Variants in VSNL1 observed in about 807,000 individuals in gnomAD.
VSNL1 encodes the protein visinin-like protein 1.
VSNL1 carries 6 observed loss-of-function variants against 20.4 expected under a neutral mutation model. That is an observed-to-expected ratio of 0.29 (90% CI 0.16 to 0.58). VSNL1 has a LOEUF of 0.58. Ranked by LOEUF, VSNL1 falls within the 20% of genes least tolerant of loss-of-function variation. The pLI, the probability that VSNL1 is intolerant of heterozygous loss-of-function variation, is 0.90. For missense variants in VSNL1, 100 were observed against 234.5 expected (o/e 0.43, Z 3.75); for synonymous variants, 93 against 86.4 (o/e 1.08, Z -0.42).
intron 1 of VSNL1, among the ~76,000 whole-genome samples, chr2:17,545,653 A>T (rs1663390216): frequency 6.6e-6 from 1 of 152,122 alleles, no homozygotes; most frequent in Non-Finnish European, 1.5e-5. Flanking sequence ...GAATCAAAAT[A>T]GTTTGCGTTG....
At chr2:17,603,409 A>T (rs1572359178) in intron 2 of VSNL1, among the ~76,000 whole-genome samples, 2 of 152,288 alleles carry the variant, frequency 1.3e-5, no homozygotes, top group Admixed American at 1.3e-4. Flanking sequence ...CCCATTCATG[A>T]GGGTTGCACC....
intron 2 of VSNL1, among the ~76,000 whole-genome samples, chr2:17,641,838 G>T (rs1034980309): frequency 6.6e-6 from 1 of 152,144 alleles, no homozygotes; most frequent in Non-Finnish European, 1.5e-5. Flanking sequence ...ATGAGAAAGG[G>T]AGAAAGAGAA....
Position 17,649,759 on chromosome 2 carries a change from C to T in VSNL1, c.378+134C>T. The T allele has an allele frequency of 1.2e-6, 1 of 837,916 alleles. No individual in the cohort carries two copies. The highest frequency in any genetic ancestry group is 1.9e-6 in the Non-Finnish European group (1 of 534,322). 51.9% of individuals were successfully genotyped at this position (837,916 alleles called of 1,614,324 possible). A position where few individuals can be genotyped will look rare whatever the true frequency, so the allele number is the denominator to read the frequency against. ...AGCTGCACACCACGCCTGGACTTCT[C>T]CTGCTTCTGTCCCCGCTGCAGCACA... is the stretch of plus-strand genomic sequence containing the variant. On this transcript the variant is annotated intron_variant, in intron 3 of 3. Transcript: ENST00000295156. The surrounding 1 kb of genome is among the most constrained non-coding windows in gnomAD (Gnocchi z 6.4).
chr2:17,642,326 T>TTTTTTTTG (rs59404137), intron 2 of VSNL1, among the ~76,000 whole-genome samples: 1 of 141,126 alleles, frequency 7.1e-6, no homozygotes, highest in African/African-American at 2.8e-5. Context: ...TTTTTTTTTT[T>TTTTTTTTG]GAGACAGAGT....
At chr2:17,620,710 C>T (rs981305290) in intron 2 of VSNL1, among the ~76,000 whole-genome samples, 2 of 152,082 alleles carry the variant, frequency 1.3e-5, no homozygotes, top group East Asian at 1.9e-4. Context: ...TGTCTTTTAT[C>T]GAGTGACGCT....
chr2:17,641,938 A>T (rs1338341182), intron 2 of VSNL1, among the ~76,000 whole-genome samples: 2 of 152,206 alleles, frequency 1.3e-5, no homozygotes, highest in East Asian at 3.9e-4. Flanking sequence ...GACAAATCCA[A>T]AGTCATGAAA....
intron 2 of VSNL1, among the ~76,000 whole-genome samples, chr2:17,642,788 G>A (rs1330661108): frequency 6.6e-6 from 1 of 152,232 alleles, no homozygotes; most frequent in Non-Finnish European, 1.5e-5. Flanking sequence ...CTTGTCCCGG[G>A]AGGCGAAAGC....
In VSNL1 at chr2:17,560,734, T is replaced by A. The variant is rs1396253396; in HGVS notation, c.-6+19816T>A. On this transcript the variant is annotated intron_variant, in intron 1 of 3. Coordinates refer to ENST00000295156, the MANE Select transcript of VSNL1 (RefSeq NM_003385.5). ...TCAAGAAGCTATAAAATAATAGGGA[T>A]ATTTGACTCCATAGAATTGTAAACT... Among the ~76,000 whole-genome samples, 6 of 152,198 alleles carry A rather than the reference T, an allele frequency of 3.9e-5. No homozygotes were observed. The South Asian group carries it at 1.2e-3, about 31-fold the overall frequency.
At chr2:17,595,589 A>T (rs1273437643) in intron 2 of VSNL1, among the ~76,000 whole-genome samples, 1 of 152,206 alleles carries the variant, frequency 6.6e-6, no homozygotes, top group African/African-American at 2.4e-5. Context: ...GCTGAATAAT[A>T]TTCCCCCAAA....
intron 2 of VSNL1, among the ~76,000 whole-genome samples, chr2:17,639,545 AAAG>A (rs1200969860): frequency 1.3e-5 from 2 of 152,250 alleles, no homozygotes; most frequent in African/African-American, 2.4e-5. Flanking sequence ...TAAAAGAATG[AAAG>A]AAGATCATTT....
chr2:17,655,109 G>C lies in VSNL1; in HGVS notation c.379-88G>C. On this transcript the variant is annotated intron_variant, in intron 3 of 3. Coordinates refer to ENST00000295156, the MANE Select transcript of VSNL1 (RefSeq NM_003385.5). This position sits in a 1 kb window ranked among gnomAD's most constrained non-coding sequence, Gnocchi z 5.2. Reference sequence around the variant, plus strand: ...GAAGCTGAGGCTTGGAGGATGGGTGGGATCCCGTCAGGTGAAAGGGAGGCA... The same window carrying C: ...GAAGCTGAGGCTTGGAGGATGGGTGCGATCCCGTCAGGTGAAAGGGAGGCA... The C allele has an allele frequency of 7.4e-7, 1 of 1,353,752 alleles. No individual in the cohort carries two copies. The highest frequency in any genetic ancestry group is 1.3e-5 in the South Asian group (1 of 75,092). The allele number at this position is 1,353,752 out of a possible 1,614,324, so 83.9% of individuals were successfully genotyped here.
At chr2:17,628,187 AAT>A (rs1558305338) in intron 2 of VSNL1, among the ~76,000 whole-genome samples, 1 of 152,234 alleles carries the variant, frequency 6.6e-6, no homozygotes, top group Non-Finnish European at 1.5e-5. Flanking sequence ...GCAAAGGCAT[AAT>A]AGAGTGTGAG....
intron 2 of VSNL1, among the ~76,000 whole-genome samples, chr2:17,622,266 C>T (rs1413490849): frequency 6.7e-6 from 1 of 150,024 alleles, no homozygotes; most frequent in South Asian, 2.1e-4. Flanking sequence ...GTAATCCCAG[C>T]ACTTTGGGAG....
At position 17,573,507 on chromosome 2, in the gene VSNL1, A is replaced by G. The variant is rs535351907; in HGVS notation, c.-5-18563A>G. Among the ~76,000 whole-genome samples, 6 of 152,342 alleles carry G rather than the reference A, an allele frequency of 3.9e-5. No individual in the cohort carries two copies. The East Asian group carries it at 1.2e-3, about 29-fold the overall frequency. The stretch of plus-strand genomic sequence containing the variant: ...TGGAATAAATGAAATGGAGAACAGA[A>G]GAGGAATTCATGGTTAGAAATTAGA... On this transcript the variant is annotated intron_variant, in intron 1 of 3. Coordinates refer to ENST00000295156, the MANE Select transcript of VSNL1 (RefSeq NM_003385.5).
intron 2 of VSNL1, among the ~76,000 whole-genome samples, chr2:17,600,615 G>A (rs1257219391): frequency 6.6e-6 from 1 of 152,200 alleles, no homozygotes. Context: ...TTGTTACTAA[G>A]ATGTGGTTAG....
chr2:17,557,805 G>A (rs1013707526), intron 1 of VSNL1, among the ~76,000 whole-genome samples: 1 of 152,186 alleles, frequency 6.6e-6, no homozygotes, highest in East Asian at 1.9e-4. Flanking sequence ...CTTACCCTCT[G>A]ATGCAAAGTT....
In VSNL1 at chr2:17,653,814, T is replaced by C. The variant is rs546691926; in HGVS notation, c.379-1383T>C. Among the ~76,000 whole-genome samples, 6 of 152,344 alleles carry C rather than the reference T, an allele frequency of 3.9e-5. No individual in the cohort carries two copies. In the East Asian group the frequency reaches 9.6e-4, roughly 24 times the overall value. On this transcript the variant is annotated intron_variant, in intron 3 of 3. Transcript: ENST00000295156. ...GATTTTTACTAAGTGTACAGAGATA[T>C]GCAACCATCACCATAATGTAAATTT...
intron 2 of VSNL1, among the ~76,000 whole-genome samples, chr2:17,608,402 C>A (rs986028285): frequency 1.3e-5 from 2 of 152,234 alleles, no homozygotes; most frequent in Non-Finnish European, 2.9e-5. Flanking sequence ...CAGCCCCAGT[C>A]AAATCTCTTG....
At chr2:17,541,876 C>T (rs1452675905) in intron 1 of VSNL1, among the ~76,000 whole-genome samples, 1 of 152,178 alleles carries the variant, frequency 6.6e-6, no homozygotes, top group East Asian at 1.9e-4. Context: ...CTGATGCTCC[C>T]TGCATGGTGG....
Sources: gnomAD v4.1 joint callset for allele counts (sites outside exome capture counted in the v4.1 genomes callset) on GRCh38, gnomAD v4.1.1 for gene constraint, Gnocchi (gnomAD v3.1) non-coding constraint, MANE v1.5 for transcripts, NCBI Gene and HGNC (gene_info 2026-07-23, HGNC 2026-07-21) for gene names.